HEATR5B: variants seen among roughly 807,000 people sequenced by gnomAD.
The protein encoded by HEATR5B is HEAT repeat containing 5B.
In HEATR5B, 156 loss-of-function variants were observed where a neutral mutation model predicts 224.1. The observed-to-expected ratio is 0.70, with a 90% CI of 0.61 to 0.80. The LOEUF (loss-of-function observed/expected upper bound fraction) is 0.80. Among genes scored for constraint, HEATR5B ranks in the 30% least tolerant of loss-of-function variants. The probability of loss-of-function intolerance (pLI) is 0.00; values close to 1 mark genes in which losing one functional copy is unlikely to be tolerated. For synonymous variants in HEATR5B, 1,027 were observed against 893.0 expected, an observed-to-expected ratio of 1.15 and a Z score of -2.68; for missense variants, 2,323 against 2,535.5, an observed-to-expected ratio of 0.92 and a Z score of 1.80.
At chr2:36,990,985 T>C (rs969975440) in intron 33 of HEATR5B, among the ~76,000 whole-genome samples, 186 bp from the exon 34 acceptor site, 1 of 152,106 alleles carries the variant, frequency 6.6e-6, no homozygotes, top group African/African-American at 2.4e-5. Flanking sequence ...CCACTGTGCC[T>C]GGCCAGAATT....
At chr2:36,999,694 T>C (rs1666960199) in intron 33 of HEATR5B, among the ~76,000 whole-genome samples, 1 of 150,300 alleles carries the variant, frequency 6.7e-6, no homozygotes, top group East Asian at 2.0e-4. Flanking sequence ...AAAAAAATTC[T>C]GGAGAGAGAT....
Position 37,040,511 on chromosome 2 carries a change from G to A in HEATR5B, c.2864C>T (p.Ser955Phe). 6.2e-7 allele frequency: 1 copy of A among 1,602,756 alleles called. No homozygotes were observed. Among genetic ancestry groups the A allele is most frequent in the Non-Finnish European group, 8.5e-7 (1 of 1,175,686 alleles). The change falls in exon 20 of 36, where the codon TCT (serine) becomes TTT (phenylalanine). Residue 955 changes from serine to phenylalanine, a missense_variant. Ser to Phe is a radical substitution (Grantham distance 155, BLOSUM62 -2). This residue lies in a region of HEATR5B where 44 missense variants were observed against 39.0 expected (regional missense o/e 1.13). Transcript: ENST00000233099. ...CACTATCAAAGCAAGTGAATGAAGA[G>A]ACCAAGTCTAGAATAAAATATAATT... ...DGTSPEVQTW[S>F]LHSLALIVDS...
chr2:37,068,888 C>A lies in HEATR5B; in HGVS notation c.970G>T (p.Glu324Ter). 6.2e-7 allele frequency: 1 copy of A among 1,614,076 alleles called. No homozygotes were observed. ...GACAGGAACGTGGCAAAGCTGCGCT[C>A]CAACCACTGACCACCCAATGTTGTC... The part of the protein sequence containing the change: ...FVTTLGGQWL[E>*]RSFATFLSHV... Residue 324 changes from glutamate to a stop codon, truncating the protein, a stop_gained, in exon 8 of 36, where the codon GAG (glutamate) becomes TAG (stop). Transcript: ENST00000233099. LOFTEE classifies it high-confidence loss of function.
At chr2:36,998,994 C>A (rs1666907313) in intron 33 of HEATR5B, among the ~76,000 whole-genome samples, 1 of 152,134 alleles carries the variant, frequency 6.6e-6, no homozygotes, top group Non-Finnish European at 1.5e-5. Flanking sequence ...GCAGGAGGAT[C>A]ACGAGGTCAG....
intron 18 of HEATR5B, among the ~76,000 whole-genome samples, chr2:37,042,561 A>G (rs1387781834): frequency 6.6e-6 from 1 of 152,230 alleles, no homozygotes; most frequent in Non-Finnish European, 1.5e-5. Flanking sequence ...GCCGTCAAAG[A>G]TATCAGCAGT....
At chr2:37,011,601 G>T (rs1027280305) in intron 27 of HEATR5B, among the ~76,000 whole-genome samples, 1 of 152,088 alleles carries the variant, frequency 6.6e-6, no homozygotes, top group Non-Finnish European at 1.5e-5. Flanking sequence ...TAGTTTTACT[G>T]ATAAACATGT....
In HEATR5B at chr2:37,049,850, T is replaced by TAAAAAAAAAAAAAAAAAAAAAAAAA. The variant is rs60184195; in HGVS notation, c.2506-8_2506-7insTTTTTTTTTTTTTTTTTTTTTTTTT. On this transcript the variant is annotated splice_polypyrimidine_tract_variant and splice_region_variant and intron_variant, in intron 17 of 35. Transcript: ENST00000233099. ...TTTTGTTTTCAGCTAAGCCCTACAT[T>TAAAAAAAAAAAAAAAAAAAAAAAAA]AAAAAAAAAAAAAAAAAAAAGACAG... 1 of 888,032 alleles carries TAAAAAAAAAAAAAAAAAAAAAAAAA rather than the reference T, an allele frequency of 1.1e-6. No homozygotes were observed. 55.0% of individuals were successfully genotyped at this position (888,032 alleles called of 1,614,324 possible). A position where few individuals can be genotyped will look rare whatever the true frequency, so the allele number is the denominator to read the frequency against.
rs770579235 is a variant in HEATR5B at position 37,049,761 on chromosome 2, T to C, written c.2588A>G (p.Asn863Ser). 5 of 1,613,406 alleles carry C rather than the reference T, an allele frequency of 3.1e-6. No individual in the cohort carries two copies. Among genetic ancestry groups the C allele is most frequent in the Non-Finnish European group, 4.2e-6 (5 of 1,179,932 alleles). ...TGCACAACGTAAGATGGGGTTTGGGTTGTCCAGAGGACCCATAACCAGTGT... is the reference window on the plus strand; with the variant it reads ...TGCACAACGTAAGATGGGGTTTGGGCTGTCCAGAGGACCCATAACCAGTGT... ...ALTLVMGPLDNPNPILRCAAG... is the reference protein window; with the variant it reads ...ALTLVMGPLDSPNPILRCAAG... Residue 863 changes from asparagine to serine, a missense_variant, in exon 18 of 36, where the codon AAC becomes AGC. Physicochemically the swap from Asn to Ser is conservative, Grantham distance 46. Transcript: ENST00000233099.
chr2:37,041,181 G>A lies in HEATR5B; in HGVS notation c.2808C>T (p.Val936=), dbSNP rs955550840. The A allele has an allele frequency of 1.2e-6, 2 of 1,613,902 alleles. No homozygotes were observed. Among genetic ancestry groups the A allele is most frequent in the Non-Finnish European group, 1.7e-6 (2 of 1,179,972 alleles). Residue 936 remains valine, a synonymous_variant, in exon 19 of 36, where the codon GTC becomes GTT. Transcript: ENST00000233099. ...IGSGQHLKTS[V]SILLALAQDG... is the part of the protein sequence containing the mutation. Reference sequence around the variant, plus strand: ...CTTGTGCTAGAGCCAATAAAATGCTGACACTGGTCTTCAGATGTTGTCCTG... The same window carrying A: ...CTTGTGCTAGAGCCAATAAAATGCTAACACTGGTCTTCAGATGTTGTCCTG...
At chr2:36,997,551 T>TTA (rs1666802481) in intron 33 of HEATR5B, among the ~76,000 whole-genome samples, 1 of 149,312 alleles carries the variant, frequency 6.7e-6, no homozygotes, top group Non-Finnish European at 1.5e-5. Context: ...TGACTTACAG[T>TTA]TAGTCCTCTG....
chr2:37,012,938 G>A (rs1040068330), intron 27 of HEATR5B, among the ~76,000 whole-genome samples: 12 of 152,206 alleles, frequency 7.9e-5, no homozygotes, highest in African/African-American at 2.7e-4. Context: ...CTGTGATAAT[G>A]CTCCTTACCC....
intron 21 of HEATR5B, among the ~76,000 whole-genome samples, chr2:37,034,242 C>G (rs911329270): frequency 6.6e-5 from 10 of 150,630 alleles, no homozygotes; most frequent in African/African-American, 1.7e-4. Flanking sequence ...TCCTGACCTT[C>G]TGATCCGCCC....
chr2:36,986,071 C>G (rs1665931612), intron 35 of HEATR5B, among the ~76,000 whole-genome samples: 1 of 151,984 alleles, frequency 6.6e-6, no homozygotes, highest in Admixed American at 6.6e-5. Context: ...AGAGTCAACT[C>G]AAAAATATTT....
chr2:37,079,450 T>A, intron 2 of HEATR5B, 119 bp from the exon 3 acceptor site: 1 of 552,034 alleles, frequency 1.8e-6, no homozygotes, highest in Non-Finnish European at 3.1e-6. Flanking sequence ...TATATTGTAT[T>A]AAACATAAAC....
intron 18 of HEATR5B, among the ~76,000 whole-genome samples, chr2:37,046,171 C>A (rs1670178886): frequency 6.6e-6 from 1 of 152,186 alleles, no homozygotes; most frequent in Non-Finnish European, 1.5e-5. Context: ...TACTATGACT[C>A]ATAATCATGC....
intron 18 of HEATR5B, among the ~76,000 whole-genome samples, chr2:37,045,270 G>T (rs1670119646): frequency 6.6e-6 from 1 of 151,672 alleles, no homozygotes; most frequent in African/African-American, 2.4e-5. Flanking sequence ...TATGTGCCTA[G>T]TAATTTTTGA....
In HEATR5B at chr2:37,049,788, A is replaced by G; in HGVS notation, c.2561T>C (p.Leu854Pro). ...LGPEEVRKSALTLVMGPLDNP... is the reference protein window; with the variant it reads ...LGPEEVRKSAPTLVMGPLDNP... ...GTCCAGAGGACCCATAACCAGTGTC[A>G]GGGCAGATTTACGAACTTCCTCAGG... Residue 854 changes from leucine (L) to proline (P), a missense_variant, in exon 18 of 36, where the codon CTG (leucine) becomes CCG (proline). Physicochemically the swap from Leu to Pro is moderately conservative, Grantham distance 98. This residue lies in a region of HEATR5B where 170 missense variants were observed against 216.7 expected (regional missense o/e 0.78). Coordinates refer to ENST00000233099, the MANE Select transcript of HEATR5B (RefSeq NM_019024.3). The G allele has an allele frequency of 6.2e-7, 1 of 1,603,276 alleles. No homozygotes were observed.
intron 17 of HEATR5B, among the ~76,000 whole-genome samples, chr2:37,051,005 C>T (rs1413524267): frequency 6.6e-6 from 1 of 152,088 alleles, no homozygotes; most frequent in East Asian, 1.9e-4. Flanking sequence ...AACATCACAC[C>T]ACTGCACTCC....
At position 37,000,756 on chromosome 2, in the gene HEATR5B, G is replaced by A. The variant is rs1240294869; in HGVS notation, c.5375C>T (p.Thr1792Ile). Reference sequence around the variant, plus strand: ...CTGATTATCTGCAGACTTTATTGCTGTGTCTTTCAATATTCTTGCAATTAA... The same window carrying A: ...CTGATTATCTGCAGACTTTATTGCTATGTCTTTCAATATTCTTGCAATTAA... ...LFLIARILKD[T>I]AIKSADNQVP... Residue 1792 changes from threonine to isoleucine, a missense_variant, in exon 33 of 36, where the codon ACA (threonine) becomes ATA (isoleucine). By Grantham distance (89) the Thr-to-Ile change is moderately conservative. Coordinates refer to ENST00000233099, the MANE Select transcript of HEATR5B (RefSeq NM_019024.3). The A allele has an allele frequency of 2.5e-6, 4 of 1,614,140 alleles. No homozygotes were observed. The highest frequency in any genetic ancestry group is 3.4e-6 in the Non-Finnish European group (4 of 1,179,988).
Sources: allele counts gnomAD v4.1 joint callset (sites outside exome capture counted in the v4.1 genomes callset), GRCh38; gene constraint gnomAD v4.1.1; regional missense constraint gnomAD v4.1.1; transcripts MANE v1.5; gene names NCBI Gene and HGNC (gene_info 2026-07-23, HGNC 2026-07-21).